PRKAG2: variants seen among roughly 807,000 people sequenced by gnomAD.
PRKAG2 encodes protein kinase AMP-activated non-catalytic subunit gamma 2, also known as 5'-AMP-activated protein kinase subunit gamma-2.
In PRKAG2, 26 loss-of-function variants were observed where a neutral mutation model predicts 69.6. The ratio of observed to expected loss-of-function variants is 0.37; its 90% CI spans 0.27 to 0.52. The LOEUF (loss-of-function observed/expected upper bound fraction) is 0.52. Among genes scored for constraint, PRKAG2 ranks in the 20% least tolerant of loss-of-function variants. The probability of loss-of-function intolerance (pLI) is 0.90; values close to 1 mark genes in which losing one functional copy is unlikely to be tolerated. For missense variants in PRKAG2, 557 were observed against 740.0 expected (o/e 0.75, Z 2.87); for synonymous variants, 293 against 285.0 (o/e 1.03, Z -0.28).
Position 151,788,170 on chromosome 7 carries a change from C to T in PRKAG2, c.115-1629G>A, listed in dbSNP as rs1031023087. 5.9e-5 allele frequency among the ~76,000 whole-genome samples: 9 copies of T among 152,168 alleles called. No homozygotes were observed. The highest frequency in any genetic ancestry group is 2.2e-4 in the African/African-American group (9 of 41,444). On this transcript the variant is annotated intron_variant, in intron 1 of 15. Transcript: ENST00000287878. The surrounding 1 kb of genome is among the most constrained non-coding windows in gnomAD (Gnocchi z 4.6). ...TCCTACTGTCAATTTTTTGAGGAGCCACTAAACTGTTTTCTGCAGCAGCCA... is the reference window on the plus strand; with the variant it reads ...TCCTACTGTCAATTTTTTGAGGAGCTACTAAACTGTTTTCTGCAGCAGCCA...
chr7:151,666,698 T>C (rs886102459), intron 4 of PRKAG2, among the ~76,000 whole-genome samples: 1 of 152,204 alleles, frequency 6.6e-6, no homozygotes, highest in African/African-American at 2.4e-5. Flanking sequence ...GGCAAGCTAG[T>C]GATGGCTGTT....
At chr7:151,678,289 T>C (rs1833279150) in intron 3 of PRKAG2, among the ~76,000 whole-genome samples, 1 of 152,198 alleles carries the variant, frequency 6.6e-6, no homozygotes, top group African/African-American at 2.4e-5. Flanking sequence ...ACGGGGGTCC[T>C]GCCACTCCCT....
chr7:151,748,994 T>C (rs6960717), intron 3 of PRKAG2, among the ~76,000 whole-genome samples: 27,016 of 148,770 alleles, frequency 0.18, 2,822 homozygotes, highest in East Asian at 0.36. Context: ...GGGGCTGGCC[T>C]GGGTGTTTTG....
intron 1 of PRKAG2, among the ~76,000 whole-genome samples, chr7:151,808,026 G>A (rs1281266897): frequency 2.0e-5 from 3 of 152,074 alleles, no homozygotes; most frequent in Non-Finnish European, 4.4e-5. Context: ...CACAGGGACC[G>A]CCCCGCAGCA....
At chr7:151,808,778 C>T (rs2151849372) in intron 1 of PRKAG2, among the ~76,000 whole-genome samples, 1 of 152,288 alleles carries the variant, frequency 6.6e-6, no homozygotes, top group Non-Finnish European at 1.5e-5. Context: ...CAGATGGCTG[C>T]GCGGCCTGAG....
chr7:151,672,917 A>G (rs1366023714), intron 4 of PRKAG2, among the ~76,000 whole-genome samples: 1 of 151,908 alleles, frequency 6.6e-6, no homozygotes. Context: ...ACCCCAGGAC[A>G]CTCCCTCTCT....
chr7:151,663,276 C>T (rs1830579143), intron 4 of PRKAG2, among the ~76,000 whole-genome samples: 9 of 152,294 alleles, frequency 5.9e-5, no homozygotes, highest in Admixed American at 5.2e-4. Flanking sequence ...CCTCAATCAG[C>T]CCAAAAGCAG....
intron 4 of PRKAG2, among the ~76,000 whole-genome samples, chr7:151,648,540 C>T (rs552491897): frequency 1.3e-5 from 2 of 152,132 alleles, no homozygotes; most frequent in Admixed American, 6.5e-5. Context: ...GAAGAGACAT[C>T]GATTTAACAA....
intron 4 of PRKAG2, among the ~76,000 whole-genome samples, chr7:151,640,622 G>A (rs545720552): frequency 3.0e-4 from 45 of 152,000 alleles, no homozygotes; most frequent in African/African-American, 1.0e-3. Flanking sequence ...AGCCTTTCCC[G>A]ATTCTTTTCT....
chr7:151,767,617 T>C (rs2075805220), intron 3 of PRKAG2, among the ~76,000 whole-genome samples: 1 of 152,196 alleles, frequency 6.6e-6, no homozygotes, highest in Non-Finnish European at 1.5e-5. Context: ...TGCACGCAGT[T>C]TGTGGTGCTG....
chr7:151,728,114 T>C (rs1798304912), intron 3 of PRKAG2, among the ~76,000 whole-genome samples: 1 of 152,078 alleles, frequency 6.6e-6, no homozygotes, highest in Non-Finnish European at 1.5e-5. Context: ...CGCCACCTCC[T>C]GGGGACTTGC....
chr7:151,599,407 A>T (rs1291595131), intron 5 of PRKAG2, among the ~76,000 whole-genome samples: 1 of 152,124 alleles, frequency 6.6e-6, no homozygotes. Context: ...TGCCCCCTGC[A>T]TCTTCCACAG....
chr7:151,772,988 A>T (rs140502734), intron 3 of PRKAG2, among the ~76,000 whole-genome samples: 908 of 18,432 alleles, frequency 0.049, 20 homozygotes, highest in African/African-American at 0.11. Flanking sequence ...AATGAATGAA[A>T]GAAAGAAAGA....
rs369169362 is a variant in PRKAG2 at position 151,702,174 on chromosome 7, G to A, written c.467-26537C>T. The stretch of plus-strand genomic sequence containing the variant: ...CCTGTGCGGGGAGTTCGATTGGAGG[G>A]TGGTGTTCTGCAGAATGCTTTCTAA... On this transcript the variant is annotated intron_variant, in intron 3 of 15. Coordinates refer to ENST00000287878, the MANE Select transcript of PRKAG2 (RefSeq NM_016203.4). Among the ~76,000 whole-genome samples, 98 of 152,344 alleles carry A rather than the reference G, an allele frequency of 6.4e-4. No homozygotes were observed. The South Asian group carries it at 6.6e-3, about 10-fold the overall frequency.
intron 4 of PRKAG2, among the ~76,000 whole-genome samples, chr7:151,650,878 T>C (rs1258010283): frequency 2.0e-5 from 3 of 152,234 alleles, no homozygotes; most frequent in Non-Finnish European, 1.5e-5. Flanking sequence ...GAGGTGCACA[T>C]ATAACTTTTC....
chr7:151,840,960 C>T (rs1294170438), intron 1 of PRKAG2, among the ~76,000 whole-genome samples: 3 of 152,126 alleles, frequency 2.0e-5, no homozygotes, highest in Non-Finnish European at 4.4e-5. Context: ...AGAGTGAGAC[C>T]CCATCTGATT....
At position 151,828,403 on chromosome 7, in the gene PRKAG2, T is replaced by A. The variant is rs1194275341; in HGVS notation, c.115-41862A>T. On this transcript the variant is annotated intron_variant, in intron 1 of 15. Coordinates refer to ENST00000287878, the MANE Select transcript of PRKAG2 (RefSeq NM_016203.4). The surrounding 1 kb of genome is among the most constrained non-coding windows in gnomAD (Gnocchi z 4.6). The stretch of plus-strand genomic sequence containing the variant: ...TAGACAGTGCATGCTCAGTAAATAT[T>A]TGTTTAAAGAGAGAATGAACAGTTT... Among the ~76,000 whole-genome samples the A allele has an allele frequency of 1.3e-5, 2 of 152,182 alleles. No homozygotes were observed. The highest frequency in any genetic ancestry group is 2.9e-5 in the Non-Finnish European group (2 of 68,026).
At chr7:151,631,916 C>T (rs1585367292) in intron 5 of PRKAG2, 153 bp downstream of exon 5, 17 of 786,224 alleles carry the variant, frequency 2.2e-5, no homozygotes, top group Non-Finnish European at 2.9e-5. Flanking sequence ...CCCGCATCCC[C>T]GCCCCGGTTC....
At chr7:151,718,402 G>C (rs757961072) in intron 3 of PRKAG2, among the ~76,000 whole-genome samples, 2 of 151,960 alleles carry the variant, frequency 1.3e-5, no homozygotes, top group Admixed American at 1.3e-4. Context: ...AAGCCACATC[G>C]AGGGTCAGGG....
Sources: allele counts gnomAD v4.1 joint callset (sites outside exome capture counted in the v4.1 genomes callset), GRCh38; gene constraint gnomAD v4.1.1; non-coding constraint Gnocchi (gnomAD v3.1); transcripts MANE v1.5; gene names NCBI Gene and HGNC (gene_info 2026-07-23, HGNC 2026-07-21).